Variants in GABRA2 observed in about 807,000 individuals in gnomAD.
GABRA2 encodes the protein gamma-aminobutyric acid receptor subunit alpha-2.
In GABRA2, 16 loss-of-function variants were observed where a neutral mutation model predicts 48.7. That is an observed-to-expected ratio of 0.33 (90% CI 0.22 to 0.50). The LOEUF is 0.50. Among genes scored for constraint, GABRA2 ranks in the 20% least tolerant of loss-of-function variants. GABRA2 has a pLI of 0.98. For missense variants in GABRA2, 275 were observed against 535.6 expected (o/e 0.51, Z 4.80); for synonymous variants, 185 against 184.5 (o/e 1.00, Z -0.02).
chr4:46,373,118 C>A (rs1231246935), intron 3 of GABRA2, among the ~76,000 whole-genome samples: 1 of 152,104 alleles, frequency 6.6e-6, no homozygotes, highest in Non-Finnish European at 1.5e-5. Context: ...ATGACAAAGA[C>A]CAGACTGGGT....
At chr4:46,339,795 G>A (rs1309844930) in intron 3 of GABRA2, among the ~76,000 whole-genome samples, 2 of 151,534 alleles carry the variant, frequency 1.3e-5, no homozygotes, top group African/African-American at 2.4e-5. Flanking sequence ...TCAGTTTTTG[G>A]TGTTCTGTAT....
At chr4:46,304,956 A>C (rs980463204) in intron 7 of GABRA2, among the ~76,000 whole-genome samples, 6 of 151,634 alleles carry the variant, frequency 4.0e-5, no homozygotes, top group Non-Finnish European at 7.4e-5. Flanking sequence ...ATTTGTCAGA[A>C]GGTAAAAATT....
intron 3 of GABRA2, among the ~76,000 whole-genome samples, chr4:46,369,847 A>G (rs1368174467): frequency 6.6e-6 from 1 of 152,152 alleles, no homozygotes; most frequent in African/African-American, 2.4e-5. Flanking sequence ...ATGTGTGTAT[A>G]TAAGTGGATG....
At position 46,305,515 on chromosome 4, in the gene GABRA2, T is replaced by TTAATAGGTTA. The variant is rs1726529673; in HGVS notation, c.703+52_703+53insTAACCTATTA. Reference sequence around the variant, plus strand: ...CAATCTGACACACTTCCAAGTCCTTTAACCTATTAATATTCTTAGGCACCA... The same window carrying TTAATAGGTTA: ...CAATCTGACACACTTCCAAGTCCTTTTAATAGGTTAAACCTATTAATATTCTTAGGCACCA... On this transcript the variant is annotated intron_variant, in intron 7 of 9. Coordinates refer to ENST00000381620, the MANE Select transcript of GABRA2 (RefSeq NM_000807.4). 5.8e-6 allele frequency: 9 copies of TTAATAGGTTA among 1,542,394 alleles called. No individual in the cohort carries two copies. In the South Asian group the frequency reaches 1.0e-4, roughly 18 times the overall value.
At position 46,261,928 on chromosome 4, in the gene GABRA2, T is replaced by C. The variant is rs1436487613; in HGVS notation, c.1057A>G (p.Lys353Glu). The C allele has an allele frequency of 6.2e-7, 1 of 1,612,622 alleles. No individual in the cohort carries two copies. The highest frequency in any genetic ancestry group is 2.2e-5 in the East Asian group (1 of 44,818). Reference protein sequence around the residue: ...AWDGKSVVNDKKKEKASVMIQ... With the variant: ...AWDGKSVVNDEKKEKASVMIQ... ...ATAACACGGAAGCTCTCACTTACCT[T>C]GTCATTTACTACACTCTTCCCATCC... The change falls in exon 9 of 10, where the codon AAG becomes GAG. Residue 353 changes from lysine (K) to glutamate (E), a missense_variant and splice_region_variant. Physicochemically the swap from Lys to Glu is moderately conservative, Grantham distance 56. Coordinates refer to ENST00000381620, the MANE Select transcript of GABRA2 (RefSeq NM_000807.4).
Position 46,305,555 on chromosome 4 carries a change from T to C in GABRA2, c.703+13A>G. 2 of 1,609,222 alleles carry C rather than the reference T, an allele frequency of 1.2e-6. No individual in the cohort carries two copies. The highest frequency in any genetic ancestry group is 1.1e-5 in the South Asian group (1 of 90,058). On this transcript the variant is annotated intron_variant, in intron 7 of 9. Coordinates refer to ENST00000381620, the MANE Select transcript of GABRA2 (RefSeq NM_000807.4). ...CTTAGGCACCAGCTTTTTTAAAGACTAATTTTACTAACCTGTACTGGATTT... is the reference window on the plus strand; with the variant it reads ...CTTAGGCACCAGCTTTTTTAAAGACCAATTTTACTAACCTGTACTGGATTT...
At chr4:46,291,655 C>T (rs1325505300) in intron 8 of GABRA2, among the ~76,000 whole-genome samples, 1 of 151,988 alleles carries the variant, frequency 6.6e-6, no homozygotes, top group African/African-American at 2.4e-5. Flanking sequence ...TCAAATTTCG[C>T]ACCCCAAGTT....
chr4:46,250,303 T>C lies in GABRA2; in HGVS notation c.*5A>G. Reference sequence around the variant, plus strand: ...ATACATCCCAAAGATAACATGGGTCTCAATTCAAGGACTGACCCCTAATAC... The same window carrying C: ...ATACATCCCAAAGATAACATGGGTCCCAATTCAAGGACTGACCCCTAATAC... On this transcript the variant is annotated 3_prime_UTR_variant, in exon 10 of 10. Transcript: ENST00000381620. The C allele has an allele frequency of 6.2e-7, 1 of 1,603,560 alleles. No homozygotes were observed. The highest frequency in any genetic ancestry group is 2.2e-5 in the East Asian group (1 of 44,686).
chr4:46,369,052 A>G (rs1310158943), intron 3 of GABRA2: 1 of 695,392 alleles, frequency 1.4e-6, no homozygotes, highest in African/African-American at 1.8e-5. Flanking sequence ...AAATAATTAC[A>G]TAATCAAATC....
Position 46,246,233 on chromosome 4 carries a change from TTTC to T in GABRA2, c.*4072_*4074del, listed in dbSNP as rs1407767999. On this transcript the variant is annotated 3_prime_UTR_variant, in exon 10 of 10. Coordinates refer to ENST00000381620, the MANE Select transcript of GABRA2 (RefSeq NM_000807.4). ...AACAACAGTCTCCTGTTTCCTGTGG[TTTC>T]TTCTTTTCAGTAATTCTGAGCTCTT... Among the ~76,000 whole-genome samples, 1 of 151,116 alleles carries T rather than the reference TTTC, an allele frequency of 6.6e-6. No homozygotes were observed. The highest frequency in any genetic ancestry group is 2.4e-5 in the African/African-American group (1 of 41,342).
intron 5 of GABRA2, among the ~76,000 whole-genome samples, chr4:46,312,193 A>T (rs1318670902): frequency 6.6e-6 from 1 of 151,842 alleles, no homozygotes; most frequent in Non-Finnish European, 1.5e-5. Flanking sequence ...TGATACAAGT[A>T]AAATTCAAAT....
chr4:46,274,998 G>A (rs1011135668), intron 8 of GABRA2, among the ~76,000 whole-genome samples: 3 of 152,100 alleles, frequency 2.0e-5, no homozygotes, highest in Non-Finnish European at 4.4e-5. Context: ...TGCCTAGGAA[G>A]CATTGGGCAG....
intron 3 of GABRA2, among the ~76,000 whole-genome samples, chr4:46,356,530 C>G (rs572290612): frequency 6.6e-6 from 1 of 151,894 alleles, no homozygotes; most frequent in East Asian, 1.9e-4. Context: ...TTACAGGGTG[C>G]ATGGCAGCTG....
At chr4:46,295,669 C>T (rs997105241) in intron 8 of GABRA2, among the ~76,000 whole-genome samples, 20 of 152,164 alleles carry the variant, frequency 1.3e-4, no homozygotes, top group African/African-American at 4.8e-4. Context: ...TGCTGGGTAC[C>T]CGATTTGCCA....
chr4:46,279,540 C>T (rs183506918), intron 8 of GABRA2, among the ~76,000 whole-genome samples: 1 of 151,826 alleles, frequency 6.6e-6, no homozygotes, highest in Admixed American at 6.6e-5. Flanking sequence ...TGTGTTCTTC[C>T]ATATAAAGAG....
intron 3 of GABRA2, among the ~76,000 whole-genome samples, chr4:46,354,682 C>T (rs1735684103): frequency 6.6e-6 from 1 of 152,092 alleles, no homozygotes; most frequent in South Asian, 2.1e-4. Flanking sequence ...TTAAAAAAAC[C>T]TTTAAGCGGC....
At chr4:46,348,442 T>C (rs1180006087) in intron 3 of GABRA2, among the ~76,000 whole-genome samples, 3 of 152,098 alleles carry the variant, frequency 2.0e-5, no homozygotes, top group Non-Finnish European at 4.4e-5. Context: ...ACCAAAGGAC[T>C]ATAAATCATG....
intron 8 of GABRA2, among the ~76,000 whole-genome samples, chr4:46,264,171 G>T (rs546297782): frequency 6.6e-6 from 1 of 152,036 alleles, no homozygotes; most frequent in South Asian, 2.1e-4. Flanking sequence ...TTTCTACGTT[G>T]ATTTTGTACC....
intron 3 of GABRA2, among the ~76,000 whole-genome samples, chr4:46,358,366 A>G (rs187561089): frequency 2.2e-4 from 33 of 152,232 alleles, no homozygotes; most frequent in Middle Eastern, 3.4e-3. Flanking sequence ...TGTCAGTAGG[A>G]ATTATTTTCT....
Sources: allele counts gnomAD v4.1 joint callset (sites outside exome capture counted in the v4.1 genomes callset), GRCh38; gene constraint gnomAD v4.1.1; transcripts MANE v1.5; gene names NCBI Gene and HGNC (gene_info 2026-07-23, HGNC 2026-07-21).